The following NYAP2 variants were observed in gnomAD, a reference collection of about 807,000 sequenced individuals.
NYAP2 encodes the protein neuronal tyrosine-phosphorylated phosphoinositide-3-kinase adaptor 2.
Under a neutral mutation model 50.4 loss-of-function variants are expected in NYAP2, and 23 were observed. The ratio of observed to expected loss-of-function variants is 0.46; its 90% CI spans 0.33 to 0.65. The LOEUF is 0.65. Among genes scored for constraint, NYAP2 ranks in the 30% least tolerant of loss-of-function variants. NYAP2 has a pLI of 0.02. For missense variants in NYAP2, 885 were observed against 861.0 expected, an observed-to-expected ratio of 1.03 and a Z score of -0.35; for synonymous variants, 394 against 365.2, an observed-to-expected ratio of 1.08 and a Z score of -0.90.
chr2:225,606,566 C>CTCTT (rs1413304302), intron 5 of NYAP2, among the ~76,000 whole-genome samples: 2 of 152,128 alleles, frequency 1.3e-5, no homozygotes, highest in African/African-American at 4.8e-5. Flanking sequence ...TTCAGTCATT[C>CTCTT]TCTTTCTATC....
intron 5 of NYAP2, among the ~76,000 whole-genome samples, chr2:225,617,596 C>A (rs1354413333): frequency 6.6e-6 from 1 of 152,214 alleles, no homozygotes; most frequent in African/African-American, 2.4e-5. Flanking sequence ...TAAATTTTCC[C>A]AAGTAAATGA....
intron 5 of NYAP2, among the ~76,000 whole-genome samples, chr2:225,600,226 T>C (rs1193783134): frequency 6.6e-6 from 1 of 151,966 alleles, no homozygotes; most frequent in Non-Finnish European, 1.5e-5. Context: ...CTGAGTAAGT[T>C]CCTGAGTGGA....
At position 225,516,782 on chromosome 2, in the gene NYAP2, A is replaced by G. The variant is rs947942263; in HGVS notation, c.523+3110A>G. ...ACTCTCAGTTCTTTATAATTGTGCT[A>G]TAACTGGAGTTCATTACAGAGCATA... On this transcript the variant is annotated intron_variant, in intron 4 of 6. Transcript: ENST00000636099. Among the ~76,000 whole-genome samples, 63 of 152,216 alleles carry G rather than the reference A, an allele frequency of 4.1e-4. 1 individual carries two copies.
chr2:225,463,936 C>G (rs1689875548), intron 3 of NYAP2, among the ~76,000 whole-genome samples: 1 of 152,108 alleles, frequency 6.6e-6, no homozygotes, highest in African/African-American at 2.4e-5. Context: ...ATCCTTAGAG[C>G]AGTTGTAGAG....
chr2:225,457,435 T>C (rs1412240026), intron 3 of NYAP2, among the ~76,000 whole-genome samples: 1 of 152,182 alleles, frequency 6.6e-6, no homozygotes, highest in African/African-American at 2.4e-5. Context: ...AATCCCACTT[T>C]ATATCTTATT....
rs755996365 is a variant in NYAP2 at position 225,582,513 on chromosome 2, C to T, written c.1096C>T (p.Leu366=). The T allele has an allele frequency of 6.4e-7, 1 of 1,558,372 alleles. No homozygotes were observed. Among genetic ancestry groups the T allele is most frequent in the South Asian group, 1.2e-5 (1 of 82,904 alleles). ...TCTGGAGGTCACGAAGCTTCCCGTG[C>T]TGGAAAACGTGTCTTACATGAAACA... Residue 366 remains leucine, a synonymous_variant, in exon 5 of 7, where the codon CTG becomes TTG. Coordinates refer to ENST00000636099, the Ensembl canonical transcript of NYAP2. This position sits in a 1 kb window ranked among gnomAD's most constrained non-coding sequence, Gnocchi z 7.0.
At chr2:225,437,062 T>C (rs1445160511) in intron 3 of NYAP2, among the ~76,000 whole-genome samples, 2 of 151,732 alleles carry the variant, frequency 1.3e-5, no homozygotes, top group Non-Finnish European at 2.9e-5. Context: ...AAGTGGAAAA[T>C]ACAGTTCATC....
chr2:225,489,360 C>CT (rs1005483074), intron 3 of NYAP2, among the ~76,000 whole-genome samples: 12 of 150,690 alleles, frequency 8.0e-5, no homozygotes, highest in African/African-American at 2.2e-4. Context: ...TACCTCTCTA[C>CT]TTTTTTTTTG....
chr2:225,542,637 A>T (rs1166258073), intron 4 of NYAP2, among the ~76,000 whole-genome samples: 1 of 151,924 alleles, frequency 6.6e-6, no homozygotes, highest in East Asian at 1.9e-4. Flanking sequence ...GGCATGATGA[A>T]TGATCTTTTT....
At chr2:225,522,452 T>C (rs1400009728) in intron 4 of NYAP2, among the ~76,000 whole-genome samples, 1 of 152,168 alleles carries the variant, frequency 6.6e-6, no homozygotes, top group African/African-American at 2.4e-5. Context: ...TTTGCAATCA[T>C]GGTTGTTGTT....
chr2:225,656,070 C>T (rs73074532), downstream of NYAP2, among the ~76,000 whole-genome samples: 1,222 of 152,222 alleles, frequency 8.0e-3, 29 homozygotes, highest in African/African-American at 0.028. Context: ...TCAACTTCTT[C>T]GGAGGCTTGT....
At chr2:225,693,586 G>T in the NYAP2 span, among the ~76,000 whole-genome samples, 1 of 152,002 alleles carries the variant, frequency 6.6e-6, no homozygotes, top group East Asian at 1.9e-4. Flanking sequence ...CAAGACCAGG[G>T]TGACAGCATG....
intron 4 of NYAP2, among the ~76,000 whole-genome samples, chr2:225,520,708 A>T (rs1212628085): frequency 6.6e-6 from 1 of 152,184 alleles, no homozygotes; most frequent in Non-Finnish European, 1.5e-5. Flanking sequence ...AGGTAGCGTG[A>T]TGCCTCCAGC....
intron 3 of NYAP2, among the ~76,000 whole-genome samples, chr2:225,448,027 C>T (rs930094405): frequency 6.6e-6 from 1 of 152,132 alleles, no homozygotes; most frequent in Non-Finnish European, 1.5e-5. Context: ...AGCTAATGAA[C>T]CTGGGAAGCT....
intron 4 of NYAP2, among the ~76,000 whole-genome samples, chr2:225,564,134 G>T (rs1448082936): frequency 6.6e-6 from 1 of 151,978 alleles, no homozygotes; most frequent in Admixed American, 6.6e-5. Flanking sequence ...AATAGCCCAT[G>T]ACTCCAGCTA....
chr2:225,490,614 G>T (rs936921236), intron 3 of NYAP2, among the ~76,000 whole-genome samples: 2 of 152,146 alleles, frequency 1.3e-5, no homozygotes, highest in Admixed American at 6.5e-5. Flanking sequence ...AAGAGATGTA[G>T]CTTGAGAGGA....
In NYAP2 at chr2:225,514,424, G is replaced by C. The variant is rs538061754; in HGVS notation, c.523+752G>C. On this transcript the variant is annotated intron_variant, in intron 4 of 6. Transcript: ENST00000636099. ...GGGGCTGCTATAACAAAACACCATA[G>C]CCTGGGTGGCATATAAGCAACAGCA... is the stretch of plus-strand genomic sequence containing the variant. Among the ~76,000 whole-genome samples, 4 of 152,316 alleles carry C rather than the reference G, an allele frequency of 2.6e-5. No individual in the cohort carries two copies. The East Asian group carries it at 7.7e-4, about 29-fold the overall frequency.
intron 4 of NYAP2, among the ~76,000 whole-genome samples, chr2:225,559,406 C>A (rs1041472605): frequency 6.6e-6 from 1 of 151,830 alleles, no homozygotes; most frequent in Non-Finnish European, 1.5e-5. Context: ...CATTGTCTGA[C>A]CTCAATTAGA....
At chr2:225,496,568 AAAAAAC>A (rs1221405825) in intron 3 of NYAP2, among the ~76,000 whole-genome samples, 9 of 152,338 alleles carry the variant, frequency 5.9e-5, no homozygotes, top group African/African-American at 9.6e-5. Context: ...TTATAAATGG[AAAAAAC>A]AAAAACAAAA....
Sources: allele counts gnomAD v4.1 joint callset (sites outside exome capture counted in the v4.1 genomes callset), GRCh38; gene constraint gnomAD v4.1.1; non-coding constraint Gnocchi (gnomAD v3.1); transcripts MANE v1.5; gene names NCBI Gene and HGNC (gene_info 2026-07-23, HGNC 2026-07-21).